The following LCT variants were observed in gnomAD, a reference collection of about 807,000 sequenced individuals.
The protein encoded by LCT is lactase/phlorizin hydrolase.
LCT carries 90 observed loss-of-function variants against 173.0 expected under a neutral mutation model. The ratio of observed to expected loss-of-function variants is 0.52; its 90% CI spans 0.44 to 0.62. LCT has a LOEUF of 0.62. Among genes scored for constraint, LCT ranks in the 20% least tolerant of loss-of-function variants. The pLI is 0.00. For missense variants in LCT, 1,864 were observed against 2,431.4 expected (o/e 0.77, Z 4.91); for synonymous variants, 853 against 957.6 (o/e 0.89, Z 2.02).
chr2:135,804,941 G>C lies in LCT; in HGVS notation c.4290C>G (p.His1430Gln). ...GGGTGACCAGATCCTCAGCAATCTT[G>C]TGATAACTGTCACAGGCCACGTCTC... is the stretch of plus-strand genomic sequence containing the variant. ...AIGDVACDSY[H>Q]KIAEDLVTLQ... is the part of the protein sequence containing the mutation. Residue 1430 changes from histidine (H) to glutamine (Q), a missense_variant, in exon 10 of 17, where the codon CAC becomes CAG. Physicochemically the swap from His to Gln is conservative, Grantham distance 24. Coordinates refer to ENST00000264162, the MANE Select transcript of LCT (RefSeq NM_002299.4). The C allele has an allele frequency of 6.2e-7, 1 of 1,614,228 alleles. No homozygotes were observed. The highest frequency in any genetic ancestry group is 8.5e-7 in the Non-Finnish European group (1 of 1,180,038).
intron 6 of LCT, among the ~76,000 whole-genome samples, chr2:135,815,590 G>A (rs1015275796): frequency 2.6e-5 from 4 of 152,086 alleles, no homozygotes; most frequent in Admixed American, 6.5e-5. Flanking sequence ...ATTTTGCTAC[G>A]TGTGTTAGTG....
intron 4 of LCT, chr2:135,823,234 G>A (rs115473201): frequency 0.012 from 1,930 of 159,046 alleles, 43 homozygotes; most frequent in African/African-American, 0.044. Flanking sequence ...GGGCCCTCAG[G>A]CACATTCCTC....
At chr2:135,822,491 G>A in intron 4 of LCT, 2 of 221,404 alleles carry the variant, frequency 9.0e-6, no homozygotes, top group Non-Finnish European at 1.8e-5. Context: ...TGATTTAGAA[G>A]AACTCAAAGA....
In LCT at chr2:135,817,507, C is replaced by G; in HGVS notation, c.1541G>C (p.Ser514Thr). 3 of 1,614,100 alleles carry G rather than the reference C, an allele frequency of 1.9e-6. No individual in the cohort carries two copies. The highest frequency in any genetic ancestry group is 2.5e-6 in the Non-Finnish European group (3 of 1,180,016). The change falls in exon 6 of 17, where the codon AGC becomes ACC. Residue 514 changes from serine (S) to threonine (T), a missense_variant. By Grantham distance (58) the Ser-to-Thr change is moderately conservative (BLOSUM62 1). Coordinates refer to ENST00000264162, the MANE Select transcript of LCT (RefSeq NM_002299.4). ...ATAGTCCAGGAAGGCATCCACCACG[C>G]TCTCATTCTGCCATCCACCATGATC... Reference protein sequence around the residue: ...LQDHGGWQNESVVDAFLDYAA... With the variant: ...LQDHGGWQNETVVDAFLDYAA...
In LCT at chr2:135,833,168, C is replaced by A. The variant is rs771521742; in HGVS notation, c.663G>T (p.Leu221=). Residue 221 remains leucine, a synonymous_variant, in exon 2 of 17, where the codon CTG becomes CTT. Transcript: ENST00000264162. The stretch of plus-strand genomic sequence containing the variant: ...GGAGCTCCGGGATATCTTCAGCTCG[C>A]AGGACAACAGAGAGTTTTCCGCCTG... ...AFQGGKLSVV[L]RAEDIPELLL... The A allele has an allele frequency of 7.4e-6, 12 of 1,613,990 alleles. No homozygotes were observed. Among genetic ancestry groups the A allele is most frequent in the Non-Finnish European group, 1.0e-5 (12 of 1,179,974 alleles).
intron 2 of LCT, among the ~76,000 whole-genome samples, chr2:135,832,648 C>T (rs772511102): frequency 9.2e-5 from 14 of 151,854 alleles, no homozygotes; most frequent in Non-Finnish European, 1.5e-4. Context: ...CCATGCCTTG[C>T]TAATTTTTGT....
Position 135,823,950 on chromosome 2 carries a change from G to A in LCT, c.858C>T (p.Cys286=), listed in dbSNP as rs959903964. 6.2e-7 allele frequency: 1 copy of A among 1,613,988 alleles called. No homozygotes were observed. Among genetic ancestry groups the A allele is most frequent in the Non-Finnish European group, 8.5e-7 (1 of 1,179,872 alleles). Residue 286 remains cysteine (C), a synonymous_variant, in exon 4 of 17, where the codon TGC becomes TGT. Transcript: ENST00000264162. ...TGGCTGGGTTCTTCATGGTGGAGGG[G>A]CAGTCTGGGAGTTTTAGGTTGAAGA... ...VFIFNLKLPD[C]PSTMKNPASL...
intron 16 of LCT, 104 bp downstream of exon 16, chr2:135,789,467 G>T: frequency 1.3e-6 from 1 of 785,386 alleles, no homozygotes. Flanking sequence ...AGGAGATGGG[G>T]CAGCAGAGAG....
chr2:135,809,988 T>A lies in LCT; in HGVS notation c.2359A>T (p.Lys787Ter), dbSNP rs962540601. 8 of 1,593,390 alleles carry A rather than the reference T, an allele frequency of 5.0e-6. No homozygotes were observed. Among genetic ancestry groups the A allele is most frequent in the Non-Finnish European group, 6.9e-6 (8 of 1,161,664 alleles). Reference sequence around the variant, plus strand: ...GAACGAACATCCACAGAGTCTTCCTTGATAGCTGTGAAGAAAAATAAAAAT... The same window carrying A: ...GAACGAACATCCACAGAGTCTTCCTAGATAGCTGTGAAGAAAAATAAAAAT... ...QYINEVLKAI[K>*]EDSVDVRSYI... The change falls in exon 8 of 17, where the codon AAG (lysine) becomes TAG (stop). Residue 787 changes from lysine to a stop codon, truncating the protein, a stop_gained. Coordinates refer to ENST00000264162, the MANE Select transcript of LCT (RefSeq NM_002299.4). LOFTEE classifies it high-confidence loss of function. The surrounding 1 kb of genome is among the most constrained non-coding windows in gnomAD (Gnocchi z 5.5).
chr2:135,804,840 T>TA lies in LCT; in HGVS notation c.4390dup (p.Tyr1464LeufsTer4). The TA allele has an allele frequency of 1.2e-6, 2 of 1,614,018 alleles. No homozygotes were observed. Among genetic ancestry groups the TA allele is most frequent in the Non-Finnish European group, 1.7e-6 (2 of 1,179,960 alleles). On this transcript the variant is annotated frameshift_variant, in exon 10 of 17. Transcript: ENST00000264162. LOFTEE classifies it high-confidence loss of function. ...GTAGTTCAGGCCCGCTTCATTGATG[T>TA]ACCTGGTGGTTCCATCAGGGAGGAT...
chr2:135,813,406 A>G (rs1269863339), intron 6 of LCT, among the ~76,000 whole-genome samples: 1 of 152,238 alleles, frequency 6.6e-6, no homozygotes, highest in East Asian at 1.9e-4. Flanking sequence ...CACCAATATC[A>G]TCAACAAAGT....
intron 11 of LCT, 92 bp downstream of exon 11, chr2:135,803,838 G>C: frequency 8.5e-7 from 1 of 1,180,262 alleles, no homozygotes; most frequent in East Asian, 2.5e-5. Flanking sequence ...GGGCTTTCTT[G>C]GTTGCCTCGT....
At chr2:135,791,237 T>C (rs964937997) in intron 14 of LCT, among the ~76,000 whole-genome samples, 1 of 152,246 alleles carries the variant, frequency 6.6e-6, no homozygotes, top group Non-Finnish European at 1.5e-5. Flanking sequence ...AGGCTTCCAA[T>C]GGACGCCAGT....
chr2:135,804,994 G>C lies in LCT; in HGVS notation c.4237C>G (p.Pro1413Ala). Residue 1413 changes from proline (P) to alanine (A), a missense_variant, in exon 10 of 17, where the codon CCA (proline) becomes GCA (alanine). Transcript: ENST00000264162. Reference protein sequence around the residue: ...LSIWDTFSHTPLRVENDAIGD... With the variant: ...LSIWDTFSHTALRVENDAIGD... ...ATGGCATCGTTCTCAACCCTCAGTG[G>C]TGTGTGAGAAAACGTGTCCCAAATG... 1 of 1,614,070 alleles carries C rather than the reference G, an allele frequency of 6.2e-7. No individual in the cohort carries two copies. The highest frequency in any genetic ancestry group is 8.5e-7 in the Non-Finnish European group (1 of 1,179,960).
intron 11 of LCT, among the ~76,000 whole-genome samples, chr2:135,801,107 G>A (rs983023968): frequency 1.6e-4 from 24 of 152,178 alleles, no homozygotes; most frequent in African/African-American, 5.1e-4. Context: ...CTGGAAGAGG[G>A]AAGGCCACTT....
intron 3 of LCT, among the ~76,000 whole-genome samples, chr2:135,826,378 G>A (rs2077888830): frequency 7.3e-6 from 1 of 136,892 alleles, no homozygotes; most frequent in Non-Finnish European, 1.5e-5. Flanking sequence ...CCAACATGGT[G>A]AAACACTGTA....
intron 10 of LCT, 40 bp downstream of exon 10, chr2:135,804,727 C>T: frequency 6.3e-7 from 1 of 1,592,778 alleles, no homozygotes; most frequent in Non-Finnish European, 8.6e-7. Context: ...CTGGTTCCTG[C>T]ATGTGGACTT....
At chr2:135,833,353 T>G in intron 1 of LCT, among the ~76,000 whole-genome samples, 163 bp from the exon 2 acceptor site, 1 of 139,846 alleles carries the variant, frequency 7.2e-6, no homozygotes, top group African/African-American at 2.8e-5. Flanking sequence ...AAAAATAATG[T>G]TCCTTTAGAG....
intron 9 of LCT, 104 bp from the exon 10 acceptor site, chr2:135,805,161 G>C: frequency 1.8e-6 from 2 of 1,135,662 alleles, no homozygotes; most frequent in South Asian, 1.3e-5. Flanking sequence ...ACTCTTTTGT[G>C]ATAACGCTTA....
Sources: gnomAD v4.1 joint callset for allele counts (sites outside exome capture counted in the v4.1 genomes callset) on GRCh38, gnomAD v4.1.1 for gene constraint, Gnocchi (gnomAD v3.1) non-coding constraint, MANE v1.5 for transcripts, NCBI Gene and HGNC (gene_info 2026-07-23, HGNC 2026-07-21) for gene names.